The following GRID2 variants were observed in gnomAD, a reference collection of about 807,000 sequenced individuals.
The protein encoded by GRID2 is glutamate receptor ionotropic, delta-2.
Under a neutral mutation model 114.8 loss-of-function variants are expected in GRID2, and 33 were observed. That is an observed-to-expected ratio of 0.29 (90% CI 0.22 to 0.38). The LOEUF is 0.38. GRID2 is among the 10% of genes least tolerant of loss of function. GRID2 has a pLI of 1.00. For missense variants in GRID2, 1,184 were observed against 1,257.7 expected (o/e 0.94, Z 0.89); for synonymous variants, 505 against 449.9 (o/e 1.12, Z -1.55).
chr4:93,011,393 T>TA (rs779299695), intron 2 of GRID2, among the ~76,000 whole-genome samples: 5 of 152,104 alleles, frequency 3.3e-5, no homozygotes, highest in South Asian at 2.1e-4. Flanking sequence ...CCAGTAGTGA[T>TA]AAAAAAATTC....
At chr4:93,393,744 C>A (rs1390404570) in intron 8 of GRID2, among the ~76,000 whole-genome samples, 2 of 151,904 alleles carry the variant, frequency 1.3e-5, no homozygotes, top group Non-Finnish European at 2.9e-5. Flanking sequence ...AATCCAGTTG[C>A]TGATATTTTT....
chr4:92,893,743 A>G (rs1746962860), intron 2 of GRID2, among the ~76,000 whole-genome samples: 1 of 152,204 alleles, frequency 6.6e-6, no homozygotes, highest in East Asian at 1.9e-4. Flanking sequence ...ATGCAGTAGC[A>G]CAAGACATCA....
rs774352218 is a variant in GRID2, at chr4:93,455,724, T to C, written c.1608T>C (p.Phe536=). ...CAGATCGTGAAAATGTGGTGGACTT[T>C]ACGACACGTTACATGGACTACTCAG... ...ITPDRENVVD[F]TTRYMDYSVG... is the part of the protein sequence containing the mutation. Residue 536 remains phenylalanine, a synonymous_variant, in exon 11 of 16, where the codon TTT becomes TTC. Coordinates refer to ENST00000282020, the MANE Select transcript of GRID2 (RefSeq NM_001510.4). 2.5e-6 allele frequency: 4 copies of C among 1,612,232 alleles called. No homozygotes were observed. In the African/African-American group the frequency reaches 4.0e-5, roughly 16 times the overall value.
At chr4:93,095,274 T>C (rs1412967710) in intron 3 of GRID2, among the ~76,000 whole-genome samples, 1 of 151,930 alleles carries the variant, frequency 6.6e-6, no homozygotes, top group African/African-American at 2.4e-5. Context: ...ATCCCTCCCC[T>C]AGCCCTCCAC....
intron 8 of GRID2, among the ~76,000 whole-genome samples, chr4:93,319,047 A>G (rs797003933): frequency 1.3e-5 from 2 of 152,260 alleles, no homozygotes; most frequent in African/African-American, 4.8e-5. Context: ...TTAAGCTACC[A>G]GTGTGACAGT....
At chr4:92,867,167 A>G (rs1578344748) in intron 2 of GRID2, among the ~76,000 whole-genome samples, 1 of 152,140 alleles carries the variant, frequency 6.6e-6, no homozygotes, top group Non-Finnish European at 1.5e-5. Context: ...TGGTTGTTAA[A>G]TTTTTTATTA....
Position 93,725,442 on chromosome 4 carries a change from A to G in GRID2, c.2361-43768A>G, listed in dbSNP as rs199555670. Among the ~76,000 whole-genome samples the G allele has an allele frequency of 1.4e-3, 212 of 152,290 alleles. 6 individuals are homozygous for G. The East Asian group carries it at 0.031, about 22-fold the overall frequency. ...TATTGTGAACAGTGCCGCAATAAAC[A>G]TACATGTGCATGTGTCTTTATAGCA... On this transcript the variant is annotated intron_variant, in intron 14 of 15. Coordinates refer to ENST00000282020, the MANE Select transcript of GRID2 (RefSeq NM_001510.4).
chr4:92,860,044 T>C (rs1358069413), intron 2 of GRID2, among the ~76,000 whole-genome samples: 1 of 152,168 alleles, frequency 6.6e-6, no homozygotes, highest in Non-Finnish European at 1.5e-5. Context: ...ATAATCATAT[T>C]TAGTACTTCA....
chr4:93,110,402 T>A (rs1314875035), intron 3 of GRID2, among the ~76,000 whole-genome samples: 3 of 152,158 alleles, frequency 2.0e-5, no homozygotes, highest in African/African-American at 7.2e-5. Context: ...CTAAGGAAAA[T>A]AGGGAATGTC....
chr4:92,937,640 C>G (rs1160065590), intron 2 of GRID2, among the ~76,000 whole-genome samples: 1 of 146,688 alleles, frequency 6.8e-6, no homozygotes, highest in African/African-American at 2.4e-5. Context: ...GCAAATTACC[C>G]TGTTATATTA....
intron 14 of GRID2, among the ~76,000 whole-genome samples, chr4:93,727,713 G>C (rs1730066710): frequency 6.6e-6 from 1 of 152,226 alleles, no homozygotes; most frequent in East Asian, 1.9e-4. Flanking sequence ...GTTTAGTCTT[G>C]GGAGAGTGTA....
intron 14 of GRID2, among the ~76,000 whole-genome samples, chr4:93,676,315 T>G (rs1012687183): frequency 6.6e-6 from 1 of 152,202 alleles, no homozygotes; most frequent in African/African-American, 2.4e-5. Context: ...GTGAAAAAAT[T>G]TATTAGCTTC....
intron 2 of GRID2, among the ~76,000 whole-genome samples, chr4:92,863,184 CACTTA>C (rs1744646577): frequency 1.3e-5 from 2 of 152,036 alleles, no homozygotes; most frequent in Non-Finnish European, 2.9e-5. Flanking sequence ...TTATTTTTTA[CACTTA>C]ACTTTGCCAA....
chr4:92,839,138 GA>G (rs1742686478), intron 2 of GRID2, among the ~76,000 whole-genome samples: 1 of 152,028 alleles, frequency 6.6e-6, no homozygotes, highest in Non-Finnish European at 1.5e-5. Context: ...ATGCATCCTT[GA>G]AGAACTGCTC....
chr4:93,095,228 G>A (rs1048336005), intron 3 of GRID2, among the ~76,000 whole-genome samples: 8 of 151,558 alleles, frequency 5.3e-5, no homozygotes, highest in Non-Finnish European at 1.2e-4. Flanking sequence ...TGCGCCCATC[G>A]ACCCATCATC....
rs561182499 is a variant in GRID2 at position 92,478,801 on chromosome 4, T to C, written c.89-111330T>C. Among the ~76,000 whole-genome samples, 7 of 152,256 alleles carry C rather than the reference T, an allele frequency of 4.6e-5. No individual in the cohort carries two copies. The South Asian group carries it at 1.2e-3, about 27-fold the overall frequency. The stretch of plus-strand genomic sequence containing the variant: ...TTCCTTCTGTACGCCTCTCCCAATA[T>C]AGAATTTCAAATTTGTCATCAATTT... On this transcript the variant is annotated intron_variant, in intron 1 of 15. Coordinates refer to ENST00000282020, the MANE Select transcript of GRID2 (RefSeq NM_001510.4).
intron 2 of GRID2, among the ~76,000 whole-genome samples, chr4:92,785,761 A>G (rs1222816075): frequency 5.3e-5 from 8 of 151,854 alleles, no homozygotes; most frequent in Non-Finnish European, 1.0e-4. Context: ...ACATGCTGTC[A>G]AACACACAAA....
At chr4:93,072,832 A>G (rs1320087769) in intron 2 of GRID2, among the ~76,000 whole-genome samples, 1 of 152,182 alleles carries the variant, frequency 6.6e-6, no homozygotes, top group Non-Finnish European at 1.5e-5. Context: ...GGGAAGTTAA[A>G]ATGTATCAAA....
intron 2 of GRID2, among the ~76,000 whole-genome samples, chr4:92,996,003 A>G (rs770271200): frequency 2.0e-5 from 3 of 151,936 alleles, no homozygotes; most frequent in Non-Finnish European, 4.4e-5. Flanking sequence ...TAAAACATTA[A>G]TCTTGGCCAG....
Sources: gnomAD v4.1 joint callset for allele counts (sites outside exome capture counted in the v4.1 genomes callset) on GRCh38, gnomAD v4.1.1 for gene constraint, MANE v1.5 for transcripts, NCBI Gene and HGNC (gene_info 2026-07-23, HGNC 2026-07-21) for gene names.